GRIK1: variants seen among roughly 807,000 people sequenced by gnomAD.
The protein encoded by GRIK1 is glutamate ionotropic receptor kainate type subunit 1, also known as glutamate receptor ionotropic, kainate 1.
Under a neutral mutation model 105.7 loss-of-function variants are expected in GRIK1, and 69 were observed. The ratio of observed to expected loss-of-function variants is 0.65; its 90% confidence interval spans 0.54 to 0.80. The LOEUF is 0.80. Ranked by LOEUF, GRIK1 falls within the 30% of genes least tolerant of loss-of-function variation. The pLI is 0.00. For synonymous variants in GRIK1, 438 were observed against 431.3 expected, an observed-to-expected ratio of 1.02 and a Z score of -0.19; for missense variants, 1,109 against 1,167.3, an observed-to-expected ratio of 0.95 and a Z score of 0.73.
chr21:29,560,574 T>TTCTTTCTTTCTCTCTC (rs1601116875), intron 15 of GRIK1, among the ~76,000 whole-genome samples: 1 of 124,108 alleles, frequency 8.1e-6, no homozygotes, highest in African/African-American at 4.0e-5. Context: ...CTTTCTTTCT[T>TTCTTTCTTTCTCTCTC]TCTCTCTTTC....
chr21:29,637,361 G>A lies in GRIK1; in HGVS notation c.1098+5465C>T, dbSNP rs544889485. ...AGCTGGAACCTAATCTGGACACAGC[G>A]TAATTCTTGGCTTCCTCGGCCCCTA... On this transcript the variant is annotated intron_variant, in intron 7 of 17. Coordinates refer to ENST00000327783, the MANE Select transcript of GRIK1 (RefSeq NM_001330994.2). Among the ~76,000 whole-genome samples the A allele has an allele frequency of 5.3e-5, 8 of 152,304 alleles. No homozygotes were observed. In the South Asian group the frequency reaches 8.3e-4, roughly 16 times the overall value.
At chr21:29,845,167 T>C (rs1399147342) in intron 1 of GRIK1, among the ~76,000 whole-genome samples, 2 of 152,188 alleles carry the variant, frequency 1.3e-5, no homozygotes, top group African/African-American at 4.8e-5. Flanking sequence ...ACTATTGGTT[T>C]ATTTTAGGAA....
chr21:29,809,809 A>G (rs767010877), intron 1 of GRIK1, among the ~76,000 whole-genome samples: 1 of 152,158 alleles, frequency 6.6e-6, no homozygotes, highest in Non-Finnish European at 1.5e-5. Context: ...TCACTTAAAC[A>G]CCTAGAGGCC....
At chr21:29,879,332 C>A (rs1057391426) in intron 1 of GRIK1, among the ~76,000 whole-genome samples, 1 of 151,992 alleles carries the variant, frequency 6.6e-6, no homozygotes, top group African/African-American at 2.4e-5. Flanking sequence ...GAGCTGCCAA[C>A]TGTGGTACCC....
At chr21:29,642,804 G>A in intron 7 of GRIK1, 22 bp downstream of exon 7, 1 of 1,612,422 alleles carries the variant, frequency 6.2e-7, no homozygotes, top group South Asian at 1.1e-5. Flanking sequence ...GGGCCCCTGG[G>A]CTGTGAGGGA....
At chr21:29,745,734 G>T (rs756546933) in intron 1 of GRIK1, among the ~76,000 whole-genome samples, 3 of 152,120 alleles carry the variant, frequency 2.0e-5, no homozygotes, top group African/African-American at 4.8e-5. Context: ...TGAAAAGTGG[G>T]TCCATGAAAC....
In GRIK1 at chr21:29,594,548, T is replaced by C. The variant is rs189007041; in HGVS notation, c.1251+1978A>G. Reference sequence around the variant, plus strand: ...AGGAGCACTCAATATCTAAATTACCTGGCCCTGATTTCTTTCACTTTGTAA... The same window carrying C: ...AGGAGCACTCAATATCTAAATTACCCGGCCCTGATTTCTTTCACTTTGTAA... On this transcript the variant is annotated intron_variant, in intron 9 of 17. Transcript: ENST00000327783. Among the ~76,000 whole-genome samples, 110 of 152,348 alleles carry C rather than the reference T, an allele frequency of 7.2e-4. 1 individual carries two copies. Among genetic ancestry groups the C allele is most frequent in the African/African-American group, 2.5e-3 (106 of 41,580 alleles).
At chr21:29,781,711 C>CGGACTGT (rs1305660100) in intron 1 of GRIK1, among the ~76,000 whole-genome samples, 2 of 70,924 alleles carry the variant, frequency 2.8e-5, no homozygotes, top group Admixed American at 1.7e-4. Flanking sequence ...TCGCCCAGGC[C>CGGACTGT]GGACTGCGGA....
At chr21:29,718,117 C>A (rs1438453785) in intron 1 of GRIK1, among the ~76,000 whole-genome samples, 1 of 152,130 alleles carries the variant, frequency 6.6e-6, no homozygotes, top group African/African-American at 2.4e-5. Context: ...CCTGAGGCCT[C>A]CTGAGCCATG....
At chr21:29,829,087 C>A (rs550383066) in intron 1 of GRIK1, among the ~76,000 whole-genome samples, 1 of 152,114 alleles carries the variant, frequency 6.6e-6, no homozygotes, top group Admixed American at 6.6e-5. Flanking sequence ...TAGCTTAATA[C>A]AAGAAGGATG....
intron 1 of GRIK1, among the ~76,000 whole-genome samples, chr21:29,719,483 A>C (rs572461102): frequency 1.3e-5 from 2 of 152,308 alleles, no homozygotes; most frequent in African/African-American, 4.8e-5. Flanking sequence ...CTTTGTAAAA[A>C]ATATAACTCT....
rs761410270 is a variant in GRIK1, at chr21:29,555,074, C to G, written c.2585G>C (p.Arg862Pro). ...CACCTGTTCAATATCATTATTCTTCCGTGATTTGTATATGAATTCTCCAAT... is the reference window on the plus strand; with the variant it reads ...CACCTGTTCAATATCATTATTCTTCGGTGATTTGTATATGAATTCTCCAAT... ...VAIGEFIYKS[R>P]KNNDIEQKGK... Residue 862 changes from arginine to proline, a missense_variant, in exon 16 of 18, where the codon CGG (arginine) becomes CCG (proline). Physicochemically the swap from Arg to Pro is moderately radical, Grantham distance 103 (BLOSUM62 -2). This residue lies in a region of GRIK1 where 161 missense variants were observed against 143.4 expected (regional missense o/e 1.12). Transcript: ENST00000327783. The G allele has an allele frequency of 6.2e-7, 1 of 1,610,548 alleles. No homozygotes were observed. The highest frequency in any genetic ancestry group is 8.5e-7 in the Non-Finnish European group (1 of 1,176,996).
At chr21:29,761,168 G>T (rs941229745) in intron 1 of GRIK1, 2 of 152,178 alleles carry the variant, frequency 1.3e-5, no homozygotes, top group African/African-American at 2.4e-5. Context: ...TGCCAAGCTG[G>T]CAAATGCCCC....
intron 4 of GRIK1, among the ~76,000 whole-genome samples, chr21:29,664,196 G>A (rs1444385572): frequency 2.0e-5 from 3 of 152,170 alleles, no homozygotes; most frequent in Non-Finnish European, 4.4e-5. Context: ...TGAGATCTCA[G>A]GGAGACTTGG....
At chr21:29,706,990 A>G (rs2063922779) in intron 1 of GRIK1, among the ~76,000 whole-genome samples, 1 of 152,030 alleles carries the variant, frequency 6.6e-6, no homozygotes, top group African/African-American at 2.4e-5. Context: ...TCGGCCTCCA[A>G]AGTAGCTTGG....
At chr21:29,558,832 G>A (rs1028173476) in intron 15 of GRIK1, among the ~76,000 whole-genome samples, 3 of 152,062 alleles carry the variant, frequency 2.0e-5, no homozygotes, top group Non-Finnish European at 4.4e-5. Flanking sequence ...TAGGAAAGTG[G>A]TAGGAAGAAA....
intron 1 of GRIK1, among the ~76,000 whole-genome samples, chr21:29,835,842 C>G (rs1318241033): frequency 1.3e-5 from 2 of 152,120 alleles, no homozygotes; most frequent in Non-Finnish European, 2.9e-5. Context: ...AAAGCTAAGT[C>G]CAGAGCTAGC....
chr21:29,904,868 G>T (rs1278876627), intron 1 of GRIK1, among the ~76,000 whole-genome samples: 1 of 152,066 alleles, frequency 6.6e-6, no homozygotes, highest in African/African-American at 2.4e-5. Flanking sequence ...CCCTTCTCTG[G>T]GGAGGGTATC....
intron 4 of GRIK1, among the ~76,000 whole-genome samples, chr21:29,669,608 GA>G (rs1310586190): frequency 6.6e-6 from 1 of 152,204 alleles, no homozygotes; most frequent in African/African-American, 2.4e-5. Flanking sequence ...CAGGCTCAGA[GA>G]ATGACCTTAT....
Sources: gnomAD v4.1 joint callset for allele counts (sites outside exome capture counted in the v4.1 genomes callset) on GRCh38, gnomAD v4.1.1 for gene constraint, gnomAD v4.1.1 regional missense constraint, MANE v1.5 for transcripts, NCBI Gene and HGNC (gene_info 2026-07-23, HGNC 2026-07-21) for gene names.